LINGO2: variants seen among roughly 807,000 people sequenced by gnomAD.
The protein encoded by LINGO2 is leucine rich repeat and Ig domain containing 2, also known as leucine-rich repeat and immunoglobulin-like domain-containing nogo receptor-interacting protein 2.
In LINGO2, 14 loss-of-function variants were observed where a neutral mutation model predicts 30.6. The observed-to-expected ratio is 0.46, with a 90% CI of 0.30 to 0.72. The LOEUF is 0.72. Among genes scored for constraint, LINGO2 ranks in the 30% least tolerant of loss-of-function variants. LINGO2 has a pLI of 0.07. For synonymous variants in LINGO2, 317 were observed against 288.5 expected (o/e 1.10, Z -1.00); for missense variants, 729 against 751.7 (o/e 0.97, Z 0.35).
chr9:28,883,631 T>TGTATAC, the LINGO2 span, among the ~76,000 whole-genome samples: 9 of 81,764 alleles, frequency 1.1e-4, 1 homozygote, highest in Admixed American at 3.8e-4. Context: ...TGTGTGTGTA[T>TGTATAC]ATATATATAT....
At chr9:28,697,681 T>C in the LINGO2 span, among the ~76,000 whole-genome samples, 44,263 of 151,752 alleles carry the variant, frequency 0.29, 7,229 homozygotes, top group African/African-American at 0.45. Context: ...ATATCTAACA[T>C]AAGATAGGCT....
chr9:28,037,012 C>T (rs963893749), intron 4 of LINGO2, among the ~76,000 whole-genome samples: 2 of 152,196 alleles, frequency 1.3e-5, no homozygotes, highest in African/African-American at 4.8e-5. Flanking sequence ...AAGGGCTCTG[C>T]ACACATCTTG....
chr9:29,028,567 T>C, the LINGO2 span, among the ~76,000 whole-genome samples: 10 of 152,150 alleles, frequency 6.6e-5, no homozygotes, highest in Non-Finnish European at 1.5e-4. Flanking sequence ...GTATTTATCC[T>C]CACTTTGAAT....
At chr9:29,080,671 A>G in the LINGO2 span, among the ~76,000 whole-genome samples, 1 of 152,090 alleles carries the variant, frequency 6.6e-6, no homozygotes, top group African/African-American at 2.4e-5. Context: ...TTCAAAGAAC[A>G]TCTTTATTTC....
chr9:27,999,726 T>C lies in LINGO2; in HGVS notation c.-36+12629A>G, dbSNP rs755423382. Among the ~76,000 whole-genome samples the C allele has an allele frequency of 1.3e-3, 202 of 152,284 alleles. 1 individual carries two copies. The highest frequency in any genetic ancestry group is 3.4e-3 in the Middle Eastern group (1 of 294). Reference sequence around the variant, plus strand: ...TCTCTAAGTCCAATGAAAGACTGACTGTGCAAAGGACTTCTATAGATTAGG... The same window carrying C: ...TCTCTAAGTCCAATGAAAGACTGACCGTGCAAAGGACTTCTATAGATTAGG... On this transcript the variant is annotated intron_variant, in intron 5 of 5. Transcript: ENST00000379992.
intron 1 of LINGO2, among the ~76,000 whole-genome samples, chr9:28,547,676 CA>C (rs1327584053): frequency 4.6e-5 from 7 of 152,044 alleles, no homozygotes; most frequent in Non-Finnish European, 5.9e-5. Flanking sequence ...AACAAAAGTT[CA>C]AATGGATCTG....
intron 4 of LINGO2, among the ~76,000 whole-genome samples, chr9:28,141,687 C>T (rs1827676295): frequency 6.6e-6 from 1 of 151,970 alleles, no homozygotes; most frequent in Admixed American, 6.6e-5. Context: ...GAGGCTGAGG[C>T]GGGCGGATCA....
At chr9:29,033,378 C>CTATATATA in the LINGO2 span, among the ~76,000 whole-genome samples, 17,046 of 140,448 alleles carry the variant, frequency 0.12, 1,149 homozygotes, top group East Asian at 0.28. Context: ...AACTGCTTTA[C>CTATATATA]TATATATATA....
chr9:28,904,452 A>T, the LINGO2 span, among the ~76,000 whole-genome samples: 9 of 152,084 alleles, frequency 5.9e-5, no homozygotes, highest in South Asian at 4.1e-4. Context: ...TATATATATA[A>T]AAAACTTAAG....
chr9:28,040,424 GTT>G (rs762768949), intron 4 of LINGO2, among the ~76,000 whole-genome samples: 23 of 124,302 alleles, frequency 1.9e-4, no homozygotes, highest in South Asian at 5.5e-4. Flanking sequence ...ACAGCTTGAA[GTT>G]TTTTTTTTTT....
the LINGO2 span, among the ~76,000 whole-genome samples, chr9:28,774,829 A>G: frequency 7.8e-6 from 1 of 128,192 alleles, no homozygotes; most frequent in South Asian, 2.9e-4. Flanking sequence ...TTCAAATCAA[A>G]TTAATAATAA....
At chr9:29,187,189 T>G in the LINGO2 span, among the ~76,000 whole-genome samples, 3 of 152,178 alleles carry the variant, frequency 2.0e-5, no homozygotes, top group Admixed American at 2.0e-4. Context: ...CAATTCACTT[T>G]CATAGATAAT....
chr9:28,381,064 T>C (rs12555559), intron 2 of LINGO2, among the ~76,000 whole-genome samples: 6,926 of 151,994 alleles, frequency 0.046, 230 homozygotes, highest in Non-Finnish European at 0.071. Context: ...AAATCCACCA[T>C]TGGTTGGTAA....
intron 4 of LINGO2, among the ~76,000 whole-genome samples, chr9:28,223,038 T>C (rs1317059772): frequency 2.0e-5 from 3 of 152,048 alleles, no homozygotes; most frequent in South Asian, 4.1e-4. Flanking sequence ...AAAAGGAGAA[T>C]AGAAAATAAA....
chr9:28,505,579 T>C (rs1820075782), intron 1 of LINGO2, among the ~76,000 whole-genome samples: 1 of 151,962 alleles, frequency 6.6e-6, no homozygotes, highest in Non-Finnish European at 1.5e-5. Flanking sequence ...ATCATGATGA[T>C]TATAAATCAT....
chr9:28,668,148 T>G (rs1331983011), intron 1 of LINGO2, among the ~76,000 whole-genome samples: 4 of 152,162 alleles, frequency 2.6e-5, no homozygotes, highest in Non-Finnish European at 5.9e-5. Context: ...AATAAAGACC[T>G]TTATTTTTCT....
chr9:28,027,379 G>A (rs554468072), intron 4 of LINGO2, among the ~76,000 whole-genome samples: 2 of 152,196 alleles, frequency 1.3e-5, no homozygotes, highest in East Asian at 1.9e-4. Context: ...CCATGACTGA[G>A]GCATAGTCCA....
At chr9:28,994,638 C>T in the LINGO2 span, among the ~76,000 whole-genome samples, 3 of 151,536 alleles carry the variant, frequency 2.0e-5, no homozygotes, top group African/African-American at 7.3e-5. Context: ...GCTACAGTCA[C>T]CAAAACAGCA....
At chr9:29,085,077 T>A in the LINGO2 span, among the ~76,000 whole-genome samples, 1 of 151,834 alleles carries the variant, frequency 6.6e-6, no homozygotes, top group Admixed American at 6.6e-5. Context: ...CCATACAAAA[T>A]TTATTGTAAC....
Sources: allele counts gnomAD v4.1 joint callset (sites outside exome capture counted in the v4.1 genomes callset), GRCh38; gene constraint gnomAD v4.1.1; transcripts MANE v1.5; gene names NCBI Gene and HGNC (gene_info 2026-07-23, HGNC 2026-07-21).